Variants in ATF7 observed in about 807,000 individuals in gnomAD.
ATF7 encodes the protein activating transcription factor 7, also known as cyclic AMP-dependent transcription factor ATF-7.
ATF7 carries 10 observed loss-of-function variants against 50.4 expected under a neutral mutation model. The ratio of observed to expected loss-of-function variants is 0.20; its 90% confidence interval spans 0.12 to 0.34. The LOEUF (loss-of-function observed/expected upper bound fraction) is 0.34. Ranked by LOEUF, ATF7 falls within the 10% of genes least tolerant of loss-of-function variation. The pLI, the probability that ATF7 is intolerant of heterozygous loss-of-function variation, is 1.00. For missense variants in ATF7, 465 were observed against 613.9 expected (o/e 0.76, Z 2.56); for synonymous variants, 201 against 226.4 (o/e 0.89, Z 1.01).
intron 3 of ATF7, among the ~76,000 whole-genome samples, chr12:53,550,907 G>A (rs1328280438): frequency 6.6e-6 from 1 of 152,178 alleles, no homozygotes; most frequent in East Asian, 1.9e-4. Flanking sequence ...ACCACCCCTG[G>A]AGACTTGGTA....
At chr12:53,568,291 T>A (rs1941560835) in intron 2 of ATF7, among the ~76,000 whole-genome samples, 1 of 152,132 alleles carries the variant, frequency 6.6e-6, no homozygotes, top group Non-Finnish European at 1.5e-5. Flanking sequence ...AGAAAATATA[T>A]AACTGGAAGG....
At chr12:53,546,019 C>T (rs1052048948) in intron 3 of ATF7, among the ~76,000 whole-genome samples, 1 of 152,086 alleles carries the variant, frequency 6.6e-6, no homozygotes, top group Non-Finnish European at 1.5e-5. Context: ...ATGGAGAAAC[C>T]CTGTCTCCAC....
chr12:53,563,914 C>CT (rs1301283629), intron 2 of ATF7, among the ~76,000 whole-genome samples: 3 of 152,202 alleles, frequency 2.0e-5, no homozygotes, highest in Non-Finnish European at 2.9e-5. Context: ...CTCTTGCCTA[C>CT]TTTTTTTGAT....
At chr12:53,527,361 C>T (rs1225075200) in intron 9 of ATF7, among the ~76,000 whole-genome samples, 1 of 151,432 alleles carries the variant, frequency 6.6e-6, no homozygotes, top group Non-Finnish European at 1.5e-5. Context: ...GCATTCCTGT[C>T]ATTCCAGCTT....
intron 5 of ATF7, among the ~76,000 whole-genome samples, chr12:53,535,613 T>A (rs1939173617): frequency 1.3e-5 from 2 of 152,096 alleles, no homozygotes; most frequent in Admixed American, 6.5e-5. Flanking sequence ...TAATTACAAT[T>A]TATATACTTT....
At chr12:53,604,944 CATT>C (rs1421116697) in intron 1 of ATF7, among the ~76,000 whole-genome samples, 1 of 152,118 alleles carries the variant, frequency 6.6e-6, no homozygotes, top group Non-Finnish European at 1.5e-5. Context: ...AAATCATCAT[CATT>C]AAGAATGATG....
intron 2 of ATF7, among the ~76,000 whole-genome samples, chr12:53,563,129 A>AT (rs1188756090): frequency 1.3e-5 from 2 of 152,016 alleles, no homozygotes; most frequent in Non-Finnish European, 2.9e-5. Context: ...TCCTCTCTCC[A>AT]TTGTTTACTG....
intron 2 of ATF7, among the ~76,000 whole-genome samples, chr12:53,598,601 T>C (rs1483695930): frequency 6.6e-6 from 1 of 152,214 alleles, no homozygotes; most frequent in Non-Finnish European, 1.5e-5. Flanking sequence ...GTCCCTACTA[T>C]TTTCCTACCT....
rs118070742 is a variant in ATF7 at position 53,539,229 on chromosome 12, G to T, written c.265-1677C>A. Among the ~76,000 whole-genome samples, 12 of 152,346 alleles carry T rather than the reference G, an allele frequency of 7.9e-5. No individual in the cohort carries two copies. In the East Asian group the frequency reaches 2.3e-3, roughly 29 times the overall value. On this transcript the variant is annotated intron_variant, in intron 4 of 11. Coordinates refer to ENST00000420353, the MANE Select transcript of ATF7 (RefSeq NM_006856.3). ...GCTAAAATGGCAATGAAAAAGACTT[G>T]AAGCTTTTTATGGGAAGCTAATTTT...
At chr12:53,605,295 A>G (rs552723041) in intron 1 of ATF7, among the ~76,000 whole-genome samples, 33 of 149,790 alleles carry the variant, frequency 2.2e-4, no homozygotes, top group African/African-American at 7.6e-4. Flanking sequence ...AGGCTGAGGC[A>G]GGAGAATTGC....
chr12:53,597,464 G>A (rs999357252), intron 2 of ATF7, among the ~76,000 whole-genome samples: 1 of 152,118 alleles, frequency 6.6e-6, no homozygotes, highest in African/African-American at 2.4e-5. Context: ...TAAAGTCTGG[G>A]CAAGGAGCAG....
At chr12:53,594,792 G>A (rs1358368133) in intron 2 of ATF7, among the ~76,000 whole-genome samples, 1 of 151,790 alleles carries the variant, frequency 6.6e-6, no homozygotes, top group Non-Finnish European at 1.5e-5. Flanking sequence ...GGAGACTGAG[G>A]CAGGAGAATC....
intron 2 of ATF7, among the ~76,000 whole-genome samples, chr12:53,589,350 A>G (rs1201315507): frequency 1.3e-5 from 2 of 152,242 alleles, no homozygotes; most frequent in African/African-American, 4.8e-5. Flanking sequence ...ATAAAAGCTC[A>G]GTGAGCTATA....
intron 7 of ATF7, 107 bp from the exon 8 acceptor site, chr12:53,532,730 C>T: frequency 3.9e-6 from 3 of 764,980 alleles, no homozygotes; most frequent in Non-Finnish European, 2.1e-6. Flanking sequence ...ACATCAGGGC[C>T]TGTTGTGTGC....
intron 11 of ATF7, 24 bp from the exon 12 acceptor site, chr12:53,517,378 C>T: frequency 6.3e-7 from 1 of 1,599,514 alleles, no homozygotes; most frequent in South Asian, 1.1e-5. Context: ...GGGCAAAGAG[C>T]AGAGAGCAAT....
At position 53,537,538 on chromosome 12, in the gene ATF7, G is replaced by A. The variant is rs557542341; in HGVS notation, c.279C>T (p.Pro93=). 4 of 1,613,422 alleles carry A rather than the reference G, an allele frequency of 2.5e-6. No homozygotes were observed. The highest frequency in any genetic ancestry group is 2.2e-5 in the East Asian group (1 of 44,882). The change falls in exon 5 of 12, where the codon CCC becomes CCT. Residue 93 remains proline, a synonymous_variant. Coordinates refer to ENST00000420353, the MANE Select transcript of ATF7 (RefSeq NM_006856.3). ...DEDEKKAAAG[P]LDMSLPSTPD... ...GTGTGGAAGGCAGAGACATGTCAAG[G>A]GGCCCAGCAGCAGCCTGTTGTGAAA...
chr12:53,580,663 CAAAAAAAA>C (rs539252431), intron 2 of ATF7, among the ~76,000 whole-genome samples: 1 of 37,710 alleles, frequency 2.7e-5, no homozygotes, highest in Non-Finnish European at 5.9e-5. Flanking sequence ...GACTCCATCT[CAAAAAAAA>C]AAAAAAAAAA....
chr12:53,541,647 A>C (rs957847316), intron 4 of ATF7, among the ~76,000 whole-genome samples: 1 of 152,132 alleles, frequency 6.6e-6, no homozygotes, highest in Non-Finnish European at 1.5e-5. Context: ...TCCCCTCTAC[A>C]ATATCTCTAC....
At chr12:53,555,490 ATTTTTTTT>A (rs543048867) in intron 2 of ATF7, among the ~76,000 whole-genome samples, 6 of 100,738 alleles carry the variant, frequency 6.0e-5, no homozygotes, top group Non-Finnish European at 9.0e-5. Flanking sequence ...AAATAATATA[ATTTTTTTT>A]TTTTTTTTTT....
Sources: allele counts gnomAD v4.1 joint callset (sites outside exome capture counted in the v4.1 genomes callset), GRCh38; gene constraint gnomAD v4.1.1; transcripts MANE v1.5; gene names NCBI Gene and HGNC (gene_info 2026-07-23, HGNC 2026-07-21).